PKD2L2: variants seen among roughly 807,000 people sequenced by gnomAD.
PKD2L2 encodes polycystin-2-like protein 2.
In PKD2L2, 67 loss-of-function variants were observed where a neutral mutation model predicts 83.9. That is an observed-to-expected ratio of 0.80 (90% CI 0.66 to 0.98). PKD2L2 has a LOEUF of 0.98. Ranked by LOEUF, PKD2L2 falls within the 50% of genes least tolerant of loss-of-function variation. PKD2L2 has a pLI of 0.00. For missense variants in PKD2L2, 632 were observed against 717.2 expected (o/e 0.88, Z 1.36); for synonymous variants, 223 against 237.8 (o/e 0.94, Z 0.57).
At chr5:137,904,737 C>CTGCA (rs1241753788) in intron 5 of PKD2L2, among the ~76,000 whole-genome samples, 1 of 152,106 alleles carries the variant, frequency 6.6e-6, no homozygotes, top group Non-Finnish European at 1.5e-5. Context: ...TATAACAAAC[C>CTGCA]TGCACATGCA....
chr5:137,900,400 T>C (rs1756855279), intron 5 of PKD2L2, among the ~76,000 whole-genome samples: 1 of 152,222 alleles, frequency 6.6e-6, no homozygotes, highest in African/African-American at 2.4e-5. Flanking sequence ...ATGGGACCCA[T>C]ACAAAGTGCC....
intron 9 of PKD2L2, 54 bp from the exon 10 acceptor site, chr5:137,923,366 T>C (rs2150047489): frequency 1.1e-6 from 1 of 890,542 alleles, no homozygotes; most frequent in Non-Finnish European, 1.8e-6. Flanking sequence ...GTTAAAGTCA[T>C]TAACATTTAA....
intron 14 of PKD2L2, among the ~76,000 whole-genome samples, chr5:137,940,994 C>T (rs1437850485): frequency 6.6e-6 from 1 of 152,208 alleles, no homozygotes; most frequent in African/African-American, 2.4e-5. Flanking sequence ...CAAGCTCCGC[C>T]TCCCGGATTC....
chr5:137,929,550 A>AAC (rs1554110330), intron 12 of PKD2L2, among the ~76,000 whole-genome samples: 4 of 148,154 alleles, frequency 2.7e-5, no homozygotes, highest in Non-Finnish European at 6.0e-5. Flanking sequence ...AAAAAAAAAA[A>AAC]AAAAAAAAAC....
At chr5:137,940,580 AATCAAC>A in intron 14 of PKD2L2, 1 of 411,626 alleles carries the variant, frequency 2.4e-6, no homozygotes, top group Non-Finnish European at 4.3e-6. Flanking sequence ...ACTTATAAAT[AATCAAC>A]ATAGATAACT....
intron 14 of PKD2L2, chr5:137,940,252 G>A: frequency 1.2e-6 from 2 of 1,613,830 alleles, no homozygotes; most frequent in Non-Finnish European, 8.5e-7. Flanking sequence ...AATCTTGTTT[G>A]CTTATAAGAA....
At chr5:137,928,319 C>A (rs1414695664) in intron 12 of PKD2L2, among the ~76,000 whole-genome samples, 1 of 148,158 alleles carries the variant, frequency 6.7e-6, no homozygotes, top group African/African-American at 2.5e-5. Context: ...GGGAGGATCA[C>A]TTGAGCCCAG....
chr5:137,932,243 G>A (rs1354463389), intron 12 of PKD2L2, among the ~76,000 whole-genome samples: 1 of 151,974 alleles, frequency 6.6e-6, no homozygotes, highest in Non-Finnish European at 1.5e-5. Flanking sequence ...AGCTACTTGG[G>A]AGGCTGAGGC....
At chr5:137,910,538 C>T (rs898463138) in intron 8 of PKD2L2, among the ~76,000 whole-genome samples, 2 of 151,648 alleles carry the variant, frequency 1.3e-5, no homozygotes, top group African/African-American at 2.4e-5. Flanking sequence ...TTTGGGAGGC[C>T]GAGGCGGGTG....
rs76550495 is a variant in PKD2L2, at chr5:137,902,172, T to C, written c.746+2435T>C. Among the ~76,000 whole-genome samples the C allele has an allele frequency of 9.4e-3, 1,431 of 152,218 alleles. 15 individuals carry two copies. The highest frequency in any genetic ancestry group is 0.034 in the Middle Eastern group (10 of 290). On this transcript the variant is annotated intron_variant, in intron 5 of 14. Transcript: ENST00000508883. Reference sequence around the variant, plus strand: ...TGGACATTAGACATCTGGAGAAGGGTTCCGATTATTCAAGACTGCTTTTGA... The same window carrying C: ...TGGACATTAGACATCTGGAGAAGGGCTCCGATTATTCAAGACTGCTTTTGA...
At chr5:137,939,884 T>C (rs1307203686) in intron 14 of PKD2L2, 1 of 1,341,978 alleles carries the variant, frequency 7.5e-7, no homozygotes, top group Non-Finnish European at 9.5e-7. Flanking sequence ...AAGTTGGTAA[T>C]AACAAAAAGC....
At chr5:137,898,281 A>G (rs1756652435) in intron 4 of PKD2L2, among the ~76,000 whole-genome samples, 1 of 152,172 alleles carries the variant, frequency 6.6e-6, no homozygotes, top group Non-Finnish European at 1.5e-5. Context: ...ATTTAGTTAT[A>G]CACAGTTTAC....
At chr5:137,932,085 T>C (rs1046575398) in intron 12 of PKD2L2, among the ~76,000 whole-genome samples, 1 of 152,106 alleles carries the variant, frequency 6.6e-6, no homozygotes, top group Non-Finnish European at 1.5e-5. Flanking sequence ...ATACCGGGCA[T>C]GGTGGTTCAT....
chr5:137,930,581 G>A (rs1759787493), intron 12 of PKD2L2, among the ~76,000 whole-genome samples: 1 of 150,862 alleles, frequency 6.6e-6, no homozygotes, highest in African/African-American at 2.4e-5. Context: ...TGAGGCAGGT[G>A]AACACCGGGA....
At chr5:137,941,951 T>C in intron 14 of PKD2L2, 1 of 1,613,696 alleles carries the variant, frequency 6.2e-7, no homozygotes, top group African/African-American at 1.3e-5. Context: ...AACCTTCCAT[T>C]TTGTTGATAA....
At chr5:137,940,971 T>C (rs1205501612) in intron 14 of PKD2L2, among the ~76,000 whole-genome samples, 1 of 152,182 alleles carries the variant, frequency 6.6e-6, no homozygotes, top group African/African-American at 2.4e-5. Context: ...AGTGGCGACA[T>C]CTCAGCTCGC....
Position 137,909,570 on chromosome 5 carries a change from G to A in PKD2L2, c.1328+624G>A, listed in dbSNP as rs1474128620. On this transcript the variant is annotated intron_variant, in intron 8 of 14. Transcript: ENST00000508883. ...TTTTTTTTTTTTTTTTTGAGACAGGGTCTCCACTCTGTCACCCAGGCTGGA... is the reference window on the plus strand; with the variant it reads ...TTTTTTTTTTTTTTTTTGAGACAGGATCTCCACTCTGTCACCCAGGCTGGA... Among the ~76,000 whole-genome samples, 3 of 133,454 alleles carry A rather than the reference G, an allele frequency of 2.2e-5. No individual in the cohort carries two copies. In the East Asian group the frequency reaches 6.5e-4, roughly 29 times the overall value. The allele number at this position is 133,454 out of a possible 152,430, so 87.6% of individuals were successfully genotyped here. A position where few individuals can be genotyped will look rare whatever the true frequency, so the allele number is the denominator to read the frequency against.
chr5:137,939,987 T>C, intron 14 of PKD2L2: 1 of 1,569,194 alleles, frequency 6.4e-7, no homozygotes, highest in Non-Finnish European at 8.6e-7. Context: ...AAGTAAACCA[T>C]ATGTTTGCTA....
intron 2 of PKD2L2, among the ~76,000 whole-genome samples, chr5:137,891,999 T>A (rs1330222600): frequency 6.6e-6 from 1 of 152,334 alleles, no homozygotes; most frequent in African/African-American, 2.4e-5. Flanking sequence ...TTAATATTTT[T>A]AAAAACTCAT....
Sources: gnomAD v4.1 joint callset for allele counts (sites outside exome capture counted in the v4.1 genomes callset) on GRCh38, gnomAD v4.1.1 for gene constraint, MANE v1.5 for transcripts, NCBI Gene and HGNC (gene_info 2026-07-23, HGNC 2026-07-21) for gene names.